KCNT2: variants seen among roughly 807,000 people sequenced by gnomAD.
The protein encoded by KCNT2 is potassium sodium-activated channel subfamily T member 2.
In KCNT2, 67 loss-of-function variants were observed where a neutral mutation model predicts 153.8. The observed-to-expected ratio is 0.44, with a 90% CI of 0.36 to 0.53. KCNT2 has a LOEUF of 0.53. Among genes scored for constraint, KCNT2 ranks in the 20% least tolerant of loss-of-function variants. The probability of loss-of-function intolerance (pLI) is 0.00; values close to 1 mark genes in which losing one functional copy is unlikely to be tolerated. For synonymous variants in KCNT2, 500 were observed against 458.8 expected (o/e 1.09, Z -1.15); for missense variants, 975 against 1,354.8 (o/e 0.72, Z 4.40).
At chr1:196,423,668 A>G (rs1673402613) in intron 11 of KCNT2, among the ~76,000 whole-genome samples, 1 of 151,598 alleles carries the variant, frequency 6.6e-6, no homozygotes, top group South Asian at 2.1e-4. Context: ...TAAGAGCACA[A>G]GAATGTTTAT....
intron 1 of KCNT2, among the ~76,000 whole-genome samples, chr1:196,588,716 A>G (rs564116291): frequency 1.0e-3 from 152 of 152,098 alleles, no homozygotes; most frequent in Admixed American, 1.6e-3. Flanking sequence ...TTTTACAATG[A>G]TTTATAGAAG....
At chr1:196,274,565 T>A (rs1208673481) in intron 25 of KCNT2, among the ~76,000 whole-genome samples, 1 of 151,690 alleles carries the variant, frequency 6.6e-6, no homozygotes, top group Non-Finnish European at 1.5e-5. Context: ...ATAGGTAAAT[T>A]TGTATCTTAA....
intron 12 of KCNT2, among the ~76,000 whole-genome samples, chr1:196,408,784 G>A (rs193102929): frequency 1.1e-4 from 16 of 151,528 alleles, no homozygotes; most frequent in Non-Finnish European, 1.5e-4. Flanking sequence ...TATCTTTTCT[G>A]GTCCAGAATA....
intron 13 of KCNT2, among the ~76,000 whole-genome samples, chr1:196,380,834 T>C (rs1669419702): frequency 6.6e-6 from 1 of 152,228 alleles, no homozygotes; most frequent in South Asian, 2.1e-4. Context: ...AGATAATGTC[T>C]TGCAATCAAG....
chr1:196,318,250 T>G (rs1662931173), intron 20 of KCNT2, among the ~76,000 whole-genome samples: 2 of 151,868 alleles, frequency 1.3e-5, no homozygotes, highest in African/African-American at 4.8e-5. Context: ...AAAGAAGTGT[T>G]CATGAATGTG....
intron 13 of KCNT2, 55 bp downstream of exon 13, chr1:196,398,508 G>T: frequency 2.2e-6 from 2 of 897,852 alleles, no homozygotes; most frequent in Non-Finnish European, 3.6e-6. Flanking sequence ...TAACCCTTAA[G>T]CCACTATAGG....
intron 25 of KCNT2, among the ~76,000 whole-genome samples, chr1:196,277,789 G>T (rs1658710066): frequency 6.6e-6 from 1 of 152,002 alleles, no homozygotes; most frequent in African/African-American, 2.4e-5. Flanking sequence ...TGAACTGTCA[G>T]AGTCAATTTT....
At chr1:196,425,393 C>T (rs572422340) in intron 11 of KCNT2, among the ~76,000 whole-genome samples, 1 of 152,100 alleles carries the variant, frequency 6.6e-6, no homozygotes, top group African/African-American at 2.4e-5. Flanking sequence ...AACACAAGTG[C>T]TATGTGTCCA....
chr1:196,533,196 G>A (rs577437902), intron 1 of KCNT2, among the ~76,000 whole-genome samples: 1 of 152,018 alleles, frequency 6.6e-6, no homozygotes, highest in Non-Finnish European at 1.5e-5. Context: ...TAAAGCACAG[G>A]CTTCCTAGTG....
chr1:196,229,648 T>C (rs568898563), intron 27 of KCNT2, among the ~76,000 whole-genome samples: 1 of 152,066 alleles, frequency 6.6e-6, no homozygotes, highest in Non-Finnish European at 1.5e-5. Context: ...TTTGTGCCAG[T>C]TAGCCAAGTT....
At position 196,228,316 on chromosome 1, in the gene KCNT2, G is replaced by A. The variant is rs1488088605; in HGVS notation, c.3316C>T (p.Pro1106Ser). ...NDVVYLIRPD[P>S]LAYLPNSEPS... is the part of the protein sequence containing the mutation. Reference sequence around the variant, plus strand: ...TCACTGTTTGGAAGGTAGGCCAGTGGATCTGGTCGAATTAAGTATCTAATA... The same window carrying A: ...TCACTGTTTGGAAGGTAGGCCAGTGAATCTGGTCGAATTAAGTATCTAATA... The change falls in exon 28 of 28, where the codon CCA becomes TCA. Residue 1106 changes from proline to serine, a missense_variant. Around this residue, in one of 6 missense-constraint regions of KCNT2, gnomAD observed 241 missense variants for 271.1 expected, o/e 0.89. Transcript: ENST00000294725. 9 of 1,602,726 alleles carry A rather than the reference G, an allele frequency of 5.6e-6. No homozygotes were observed. In the Admixed American group the frequency reaches 1.5e-4, roughly 27 times the overall value.
chr1:196,511,268 C>T (rs1386145957), intron 1 of KCNT2, among the ~76,000 whole-genome samples: 4 of 152,130 alleles, frequency 2.6e-5, no homozygotes, highest in East Asian at 1.9e-4. Flanking sequence ...CTGTTCACCC[C>T]GGTGCTATCT....
Position 196,348,056 on chromosome 1 carries a change from G to A in KCNT2, c.1404-5828C>T, listed in dbSNP as rs1309670315. Among the ~76,000 whole-genome samples, 6 of 152,092 alleles carry A rather than the reference G, an allele frequency of 3.9e-5. No homozygotes were observed. In the East Asian group the frequency reaches 1.2e-3, roughly 29 times the overall value. ...AGAGGAAGAGCTTAATATATGTTTT[G>A]TTAAATGAACAAAGAATAATCTAAC... On this transcript the variant is annotated intron_variant, in intron 14 of 27. Transcript: ENST00000294725.
intron 25 of KCNT2, among the ~76,000 whole-genome samples, chr1:196,263,743 T>C (rs1055541054): frequency 2.6e-5 from 4 of 152,166 alleles, no homozygotes; most frequent in East Asian, 1.9e-4. Context: ...GCTAGTGGTT[T>C]TTCACTACTA....
At chr1:196,535,232 T>C (rs1655404857) in intron 1 of KCNT2, among the ~76,000 whole-genome samples, 1 of 152,218 alleles carries the variant, frequency 6.6e-6, no homozygotes, top group African/African-American at 2.4e-5. Context: ...GCCATTATGA[T>C]GTATTCACCA....
intron 1 of KCNT2, among the ~76,000 whole-genome samples, chr1:196,560,628 G>A (rs998765271): frequency 1.3e-5 from 2 of 151,780 alleles, no homozygotes; most frequent in African/African-American, 4.8e-5. Flanking sequence ...GGGAAAACAG[G>A]AGCCTAACTT....
chr1:196,575,575 G>T (rs1356311132), intron 1 of KCNT2, among the ~76,000 whole-genome samples: 3 of 150,714 alleles, frequency 2.0e-5, no homozygotes, highest in Non-Finnish European at 4.4e-5. Context: ...ACATATGAGA[G>T]ATCTAACATA....
intron 1 of KCNT2, among the ~76,000 whole-genome samples, chr1:196,540,659 T>A (rs1326293211): frequency 6.6e-6 from 1 of 152,150 alleles, no homozygotes; most frequent in Non-Finnish European, 1.5e-5. Context: ...CTACACAGAA[T>A]CATAAAAACC....
Position 196,280,701 on chromosome 1 carries a change from A to T in KCNT2, c.2910+159T>A. The stretch of plus-strand genomic sequence containing the variant: ...ACTGACATAGTTTAGTAAAACAAAT[A>T]GTTGAAAAAAAATTTGGTTCTGAGA... On this transcript the variant is annotated intron_variant, in intron 25 of 27. Coordinates refer to ENST00000294725, the MANE Select transcript of KCNT2 (RefSeq NM_198503.5). The T allele has an allele frequency of 1.9e-5, 12 of 645,126 alleles. No individual in the cohort carries two copies. The South Asian group carries it at 2.4e-4, about 13-fold the overall frequency. 40.0% of individuals were successfully genotyped at this position (645,126 alleles called of 1,614,324 possible).
Sources: gnomAD v4.1 joint callset for allele counts (sites outside exome capture counted in the v4.1 genomes callset) on GRCh38, gnomAD v4.1.1 for gene constraint, gnomAD v4.1.1 regional missense constraint, MANE v1.5 for transcripts, NCBI Gene and HGNC (gene_info 2026-07-23, HGNC 2026-07-21) for gene names.